The following TFG variants were observed in gnomAD, a reference collection of about 807,000 sequenced individuals.
TFG encodes trafficking from ER to golgi regulator, also known as protein TFG.
Under a neutral mutation model 51.4 loss-of-function variants are expected in TFG, and 22 were observed. The ratio of observed to expected loss-of-function variants is 0.43; its 90% CI spans 0.31 to 0.61. TFG has a LOEUF of 0.61. TFG is among the 20% of genes least tolerant of loss of function. The pLI, the probability that TFG is intolerant of heterozygous loss-of-function variation, is 0.12. For missense variants in TFG, 419 were observed against 487.7 expected (o/e 0.86, Z 1.33); for synonymous variants, 187 against 165.6 (o/e 1.13, Z -0.99).
intron 3 of TFG, among the ~76,000 whole-genome samples, chr3:100,728,239 T>C (rs1311247061): frequency 5.9e-5 from 9 of 152,184 alleles, no homozygotes; most frequent in Admixed American, 2.6e-4. Context: ...ATCAGTCATG[T>C]TATATCTTTA....
intron 7 of TFG, among the ~76,000 whole-genome samples, chr3:100,746,292 G>A (rs1411612656): frequency 6.6e-6 from 1 of 152,118 alleles, no homozygotes; most frequent in Non-Finnish European, 1.5e-5. Flanking sequence ...CATTCCCAGA[G>A]ATTTTGAATT....
At chr3:100,718,752 T>G (rs763864239) in intron 2 of TFG, among the ~76,000 whole-genome samples, 4 of 151,854 alleles carry the variant, frequency 2.6e-5, no homozygotes, top group Non-Finnish European at 4.4e-5. Flanking sequence ...GAGACGGAGT[T>G]TCTCCATGTT....
chr3:100,747,953 A>C (rs905495841), intron 7 of TFG, among the ~76,000 whole-genome samples, 196 bp from the exon 8 acceptor site: 4 of 152,154 alleles, frequency 2.6e-5, no homozygotes, highest in African/African-American at 9.7e-5. Context: ...TAGAGAGTTT[A>C]AAAAATTGTA....
intron 5 of TFG, among the ~76,000 whole-genome samples, chr3:100,735,621 C>T (rs2095104268): frequency 6.6e-6 from 1 of 152,142 alleles, no homozygotes; most frequent in African/African-American, 2.4e-5. Flanking sequence ...ATGCTTTTAA[C>T]CACTCTTCTG....
intron 6 of TFG, 81 bp downstream of exon 6, chr3:100,736,797 G>C: frequency 6.8e-7 from 1 of 1,459,962 alleles, no homozygotes; most frequent in Non-Finnish European, 9.3e-7. Context: ...AACACTTCAT[G>C]TATTTAGTCA....
intron 5 of TFG, among the ~76,000 whole-genome samples, 186 bp downstream of exon 5, chr3:100,732,858 T>C (rs1576369771): frequency 6.6e-6 from 1 of 152,340 alleles, no homozygotes; most frequent in African/African-American, 2.4e-5. Flanking sequence ...AAGATGTAGA[T>C]GATTTCCAGC....
chr3:100,716,276 A>G (rs556174854), intron 2 of TFG, among the ~76,000 whole-genome samples: 2 of 152,082 alleles, frequency 1.3e-5, no homozygotes, highest in Non-Finnish European at 2.9e-5. Context: ...TATAAGATCA[A>G]CTTTTTTTAG....
At chr3:100,729,644 C>G (rs1402252) in intron 4 of TFG, among the ~76,000 whole-genome samples, 56,593 of 151,794 alleles carry the variant, frequency 0.37, 10,761 homozygotes, top group South Asian at 0.49. Flanking sequence ...TAGTTTAAAA[C>G]TGTCCATATT....
chr3:100,728,893 TTC>T (rs2095083524), intron 4 of TFG, 35 bp downstream of exon 4: 3 of 1,516,780 alleles, frequency 2.0e-6, no homozygotes, highest in East Asian at 4.9e-5. Flanking sequence ...TGACTTATTG[TTC>T]TTACGTCTTT....
At chr3:100,730,669 T>C (rs1057385471) in intron 4 of TFG, among the ~76,000 whole-genome samples, 2 of 152,156 alleles carry the variant, frequency 1.3e-5, no homozygotes, top group African/African-American at 2.4e-5. Flanking sequence ...CACCAAGAAA[T>C]GTGGCCACCT....
chr3:100,740,791 T>G (rs1486222632), intron 6 of TFG, among the ~76,000 whole-genome samples: 1 of 152,210 alleles, frequency 6.6e-6, no homozygotes, highest in African/African-American at 2.4e-5. Flanking sequence ...TTAATTTTTT[T>G]TATTACTTTT....
chr3:100,712,333 C>T (rs1419576998), intron 1 of TFG, among the ~76,000 whole-genome samples: 2 of 151,876 alleles, frequency 1.3e-5, no homozygotes, highest in African/African-American at 2.4e-5. Context: ...TCACATACCC[C>T]GAAAGAATAA....
chr3:100,713,466 T>C (rs1310947667), intron 1 of TFG, among the ~76,000 whole-genome samples, 177 bp from the exon 2 acceptor site: 2 of 152,348 alleles, frequency 1.3e-5, no homozygotes, highest in African/African-American at 4.8e-5. Context: ...AAATAAAAGC[T>C]TATTTTATTA....
chr3:100,726,912 GA>G (rs563373031), intron 3 of TFG, among the ~76,000 whole-genome samples: 4 of 152,318 alleles, frequency 2.6e-5, no homozygotes, highest in African/African-American at 9.6e-5. Context: ...TCTAGAAGGT[GA>G]GAGGAATGAA....
At position 100,748,650 on chromosome 3, in the gene TFG, A is replaced by G. The variant is rs2095157876; in HGVS notation, c.*119A>G. 1.7e-6 allele frequency: 2 copies of G among 1,154,738 alleles called. No homozygotes were observed. The highest frequency in any genetic ancestry group is 2.4e-6 in the Non-Finnish European group (2 of 847,030). The allele number at this position is 1,154,738 out of a possible 1,614,324, so 71.5% of individuals were successfully genotyped here. On this transcript the variant is annotated 3_prime_UTR_variant, in exon 8 of 8. Coordinates refer to ENST00000240851, the MANE Select transcript of TFG (RefSeq NM_006070.6). The stretch of plus-strand genomic sequence containing the variant: ...ATTTAAAAGCAGAGCATTTTTTATG[A>G]TATCATTGTTGGTGTTAATTGAAAG...
intron 4 of TFG, among the ~76,000 whole-genome samples, chr3:100,730,779 C>T (rs781524559): frequency 9.9e-5 from 15 of 152,140 alleles, no homozygotes; most frequent in African/African-American, 3.6e-4. Flanking sequence ...TGACCTGTTG[C>T]AGTATCTCCA....
At chr3:100,739,654 CTCTTCATGTAG>C (rs2149090939) in intron 6 of TFG, among the ~76,000 whole-genome samples, 1 of 152,188 alleles carries the variant, frequency 6.6e-6, no homozygotes, top group South Asian at 2.1e-4. Context: ...GAATAATCAA[CTCTTCATGTAG>C]TCATGTGGCT....
Position 100,744,807 on chromosome 3 carries a change from T to TTGTG in TFG, c.722-10_722-7dup, listed in dbSNP as rs371704682. On this transcript the variant is annotated intron_variant, in intron 6 of 7. Coordinates refer to ENST00000240851, the MANE Select transcript of TFG (RefSeq NM_006070.6). ...GCCACATTAAACATGCCTTTTTTCC[T>TTGTG]TGTGTGTGTGTGTGTGTGTTTTCAG... is the stretch of plus-strand genomic sequence containing the variant. The TTGTG allele has an allele frequency of 7.9e-3, 11,147 of 1,419,362 alleles. 29 individuals carry two copies. Among genetic ancestry groups the TTGTG allele is most frequent in the Non-Finnish European group, 9.0e-3 (9,212 of 1,019,744 alleles). The allele number at this position is 1,419,362 out of a possible 1,614,324, so 87.9% of individuals were successfully genotyped here.
Position 100,748,367 on chromosome 3 carries a change from C to A in TFG, c.1039C>A (p.Pro347Thr). 1.2e-6 allele frequency: 2 copies of A among 1,614,134 alleles called. No individual in the cohort carries two copies. The highest frequency in any genetic ancestry group is 1.1e-5 in the South Asian group (1 of 91,080). ...TTATACTGTGGCTCCTGCCTCTCAA[C>A]CTGGAATGGCTCCAAGCCAACCTGG... ...TNYTVAPASQ[P>T]GMAPSQPGAY... The change falls in exon 8 of 8, where the codon CCT becomes ACT. Residue 347 changes from proline (P) to threonine (T), a missense_variant. Pro to Thr is a conservative substitution (Grantham distance 38). Around this residue, in one of 3 missense-constraint regions of TFG, gnomAD observed 391 missense variants for 434.4 expected, o/e 0.90. Transcript: ENST00000240851.
Sources: gnomAD v4.1 joint callset for allele counts (sites outside exome capture counted in the v4.1 genomes callset) on GRCh38, gnomAD v4.1.1 for gene constraint, gnomAD v4.1.1 regional missense constraint, MANE v1.5 for transcripts, NCBI Gene and HGNC (gene_info 2026-07-23, HGNC 2026-07-21) for gene names.